The following REV1 variants were observed in gnomAD, a reference collection of about 807,000 sequenced individuals.
REV1 encodes the protein REV1 DNA directed polymerase.
A neutral mutation model predicts 137.4 loss-of-function variants in REV1; 42 were observed. That is an observed-to-expected ratio of 0.31 (90% CI 0.24 to 0.40). REV1 has a LOEUF of 0.40. Ranked by LOEUF, REV1 falls within the 10% of genes least tolerant of loss-of-function variation. The pLI, the probability that REV1 is intolerant of heterozygous loss-of-function variation, is 1.00. For missense variants in REV1, 1,282 were observed against 1,490.1 expected, an observed-to-expected ratio of 0.86 and a Z score of 2.30; for synonymous variants, 524 against 519.2, an observed-to-expected ratio of 1.01 and a Z score of -0.12.
rs1183847607 is a variant in REV1 at position 99,400,481 on chromosome 2, T to C, written c.*760A>G. On this transcript the variant is annotated 3_prime_UTR_variant, in exon 23 of 23. Transcript: ENST00000258428. ...TTCCAAATATCCACTAGCATAGAAT[T>C]TTAAACTATTTTTATTTTAAAGTTA... is the stretch of plus-strand genomic sequence containing the variant. 3 of 152,204 alleles carry C rather than the reference T, an allele frequency of 2.0e-5. No homozygotes were observed. Among genetic ancestry groups the C allele is most frequent in the Non-Finnish European group, 2.9e-5 (2 of 68,030 alleles). The allele number at this position is 152,204 out of a possible 1,614,324, so 9.4% of individuals were successfully genotyped here. A position where few individuals can be genotyped will look rare whatever the true frequency, so the allele number is the denominator to read the frequency against.
At chr2:99,479,699 G>C (rs1686398908) in intron 1 of REV1, among the ~76,000 whole-genome samples, 1 of 151,924 alleles carries the variant, frequency 6.6e-6, no homozygotes. Context: ...GAGGTGGGAG[G>C]ATCGCTTGAG....
At chr2:99,459,659 T>C (rs1481149809) in intron 3 of REV1, among the ~76,000 whole-genome samples, 3 of 152,192 alleles carry the variant, frequency 2.0e-5, no homozygotes, top group Admixed American at 6.5e-5. Flanking sequence ...TGAGCCGTGA[T>C]AGTGCCACTG....
chr2:99,420,894 G>A (rs550534862), intron 11 of REV1, among the ~76,000 whole-genome samples: 1 of 152,306 alleles, frequency 6.6e-6, no homozygotes, highest in South Asian at 2.1e-4. Flanking sequence ...GGTAATGAGT[G>A]GGTTAAGAAA....
chr2:99,481,137 A>C (rs1437976249), intron 1 of REV1, among the ~76,000 whole-genome samples: 2 of 152,228 alleles, frequency 1.3e-5, no homozygotes, highest in Non-Finnish European at 2.9e-5. Flanking sequence ...ACCCTAACAC[A>C]AATAGATTAT....
At chr2:99,457,676 C>T (rs143745505) in intron 3 of REV1, among the ~76,000 whole-genome samples, 587 of 148,462 alleles carry the variant, frequency 4.0e-3, no homozygotes, top group Non-Finnish European at 6.3e-3. Flanking sequence ...CAAAGTGAGA[C>T]CCTGTCTCAA....
At chr2:99,434,505 T>G in intron 7 of REV1, 57 bp from the exon 8 acceptor site, 4 of 1,156,712 alleles carry the variant, frequency 3.5e-6, no homozygotes, top group Non-Finnish European at 4.8e-6. Flanking sequence ...TAACAACATG[T>G]AAGCAAAAAT....
At chr2:99,439,437 T>C (rs908265870) in intron 5 of REV1, 127 bp from the exon 6 acceptor site, 3 of 572,432 alleles carry the variant, frequency 5.2e-6, no homozygotes, top group Non-Finnish European at 8.9e-6. Flanking sequence ...AAAATTCTTA[T>C]ATTGAATATT....
chr2:99,444,052 C>T (rs1681863320), intron 4 of REV1, among the ~76,000 whole-genome samples: 1 of 152,096 alleles, frequency 6.6e-6, no homozygotes, highest in African/African-American at 2.4e-5. Flanking sequence ...GATCTCCTGA[C>T]CTCGTGATCC....
chr2:99,426,272 G>C (rs1014323879), intron 9 of REV1, among the ~76,000 whole-genome samples: 3 of 151,506 alleles, frequency 2.0e-5, no homozygotes, highest in African/African-American at 7.3e-5. Flanking sequence ...GCTTGAACCT[G>C]GGAGGTGGAG....
chr2:99,401,633 G>A (rs1477036234), intron 22 of REV1, among the ~76,000 whole-genome samples: 2 of 152,116 alleles, frequency 1.3e-5, no homozygotes, highest in East Asian at 3.9e-4. Context: ...TATAATCCCA[G>A]CTACCCGGGA....
chr2:99,471,779 C>T (rs1685440478), intron 1 of REV1, among the ~76,000 whole-genome samples: 1 of 148,530 alleles, frequency 6.7e-6, no homozygotes, highest in Non-Finnish European at 1.5e-5. Context: ...AGAAGATAGA[C>T]AAATGGCCAA....
chr2:99,424,380 T>A, intron 9 of REV1, 100 bp from the exon 10 acceptor site: 1 of 1,250,222 alleles, frequency 8.0e-7, no homozygotes, highest in Non-Finnish European at 1.1e-6. Flanking sequence ...TAATTTATAA[T>A]TTCCACTTAA....
In REV1 at chr2:99,488,276, T is replaced by C. The variant is rs1263326348; in HGVS notation, c.-11+1541A>G. Among the ~76,000 whole-genome samples the C allele has an allele frequency of 2.5e-5, 3 of 119,538 alleles. 1 individual carries two copies. Among genetic ancestry groups the C allele is most frequent in the African/African-American group, 9.0e-5 (3 of 33,458 alleles). The allele number at this position is 119,538 out of a possible 152,430, so 78.4% of individuals were successfully genotyped here. On this transcript the variant is annotated intron_variant, in intron 1 of 22. Transcript: ENST00000258428. The stretch of plus-strand genomic sequence containing the variant: ...AGTTGCGAGTGGGAAGTTGGAAATG[T>C]AGTGATCTTATATATTCAAGCACAT...
rs1218689134 is a variant in REV1, at chr2:99,463,317, C to A, written c.55-695G>T. ...GGCAGATCACCTGAGGTCAGGAGTTCGAGATCAGCCTGACCAACATGGTGA... is the reference window on the plus strand; with the variant it reads ...GGCAGATCACCTGAGGTCAGGAGTTAGAGATCAGCCTGACCAACATGGTGA... On this transcript the variant is annotated intron_variant, in intron 2 of 22. Transcript: ENST00000258428. 2.6e-5 allele frequency among the ~76,000 whole-genome samples: 4 copies of A among 152,018 alleles called. No homozygotes were observed. The South Asian group carries it at 8.3e-4, about 32-fold the overall frequency.
At chr2:99,441,178 T>TA (rs1024049746) in intron 5 of REV1, among the ~76,000 whole-genome samples, 16 of 151,950 alleles carry the variant, frequency 1.1e-4, no homozygotes, top group Admixed American at 1.3e-4. Flanking sequence ...GATAGCACAT[T>TA]AAAAAAAATT....
chr2:99,470,136 A>ATATTTCATC (rs1685256511), intron 1 of REV1, among the ~76,000 whole-genome samples: 1 of 151,818 alleles, frequency 6.6e-6, no homozygotes, highest in Non-Finnish European at 1.5e-5. Flanking sequence ...AAAAAAAAAG[A>ATATTTCATC]TATTTCATCT....
intron 1 of REV1, among the ~76,000 whole-genome samples, chr2:99,483,818 G>C (rs1686870368): frequency 6.6e-6 from 1 of 151,998 alleles, no homozygotes; most frequent in Non-Finnish European, 1.5e-5. Flanking sequence ...GAAAACCTAG[G>C]GTCTCATCTT....
At position 99,488,088 on chromosome 2, in the gene REV1, T is replaced by C. The variant is rs1211263825; in HGVS notation, c.-11+1729A>G. The stretch of plus-strand genomic sequence containing the variant: ...TGTAGGGCCAGAAATCTAACCTCCA[T>C]GTAACTGTGAACTTCCTGTCTTTCC... On this transcript the variant is annotated intron_variant, in intron 1 of 22. Coordinates refer to ENST00000258428, the MANE Select transcript of REV1 (RefSeq NM_016316.4). Among the ~76,000 whole-genome samples, 12 of 118,858 alleles carry C rather than the reference T, an allele frequency of 1.0e-4. 4 individuals are homozygous for C. In the East Asian group the frequency reaches 2.7e-3, roughly 27 times the overall value. The allele number at this position is 118,858 out of a possible 152,430, so 78.0% of individuals were successfully genotyped here. A position where few individuals can be genotyped will look rare whatever the true frequency, so the allele number is the denominator to read the frequency against.
intron 3 of REV1, among the ~76,000 whole-genome samples, chr2:99,455,265 A>C (rs555224397): frequency 6.6e-6 from 1 of 152,332 alleles, no homozygotes; most frequent in African/African-American, 2.4e-5. Context: ...TGAGTTTCAC[A>C]ATCTTATGAA....
Sources: allele counts gnomAD v4.1 joint callset (sites outside exome capture counted in the v4.1 genomes callset), GRCh38; gene constraint gnomAD v4.1.1; transcripts MANE v1.5; gene names NCBI Gene and HGNC (gene_info 2026-07-23, HGNC 2026-07-21).